GLIS3: variants seen among roughly 807,000 people sequenced by gnomAD.
The protein encoded by GLIS3 is zinc finger protein GLIS3.
In GLIS3, 53 loss-of-function variants were observed where a neutral mutation model predicts 78.6. That is an observed-to-expected ratio of 0.67 (90% CI 0.54 to 0.85). The LOEUF is 0.85. Among genes scored for constraint, GLIS3 ranks in the 40% least tolerant of loss-of-function variants. The pLI, the probability that GLIS3 is intolerant of heterozygous loss-of-function variation, is 0.00. For synonymous variants in GLIS3, 684 were observed against 509.9 expected (o/e 1.34, Z -4.60); for missense variants, 1,703 against 1,231.1 (o/e 1.38, Z -5.74).
chr9:4,229,581 A>G (rs1220931842), intron 2 of GLIS3, among the ~76,000 whole-genome samples: 1 of 152,190 alleles, frequency 6.6e-6, no homozygotes, highest in Non-Finnish European at 1.5e-5. Flanking sequence ...TGAAGCACGG[A>G]TATTTTCTGG....
At chr9:4,259,694 G>C (rs1825327752) in intron 2 of GLIS3, among the ~76,000 whole-genome samples, 1 of 152,174 alleles carries the variant, frequency 6.6e-6, no homozygotes, top group Non-Finnish European at 1.5e-5. Context: ...TAGCGAAGGA[G>C]GCAGGACCTG....
chr9:4,123,286 G>T (rs1240028744), intron 3 of GLIS3, among the ~76,000 whole-genome samples: 1 of 152,262 alleles, frequency 6.6e-6, no homozygotes, highest in South Asian at 2.1e-4. Context: ...AATGAATGGT[G>T]TATTAGAAAA....
chr9:4,247,207 C>G (rs1202614015), intron 2 of GLIS3, among the ~76,000 whole-genome samples: 1 of 152,176 alleles, frequency 6.6e-6, no homozygotes, highest in Admixed American at 6.5e-5. Flanking sequence ...TACTTGAATT[C>G]TCTTAATAGC....
At chr9:3,953,927 CAA>C (rs1448706994) in intron 4 of GLIS3, among the ~76,000 whole-genome samples, 3 of 151,908 alleles carry the variant, frequency 2.0e-5, no homozygotes, top group Non-Finnish European at 4.4e-5. Flanking sequence ...TGTAGTACAC[CAA>C]TCAACATATC....
intron 4 of GLIS3, among the ~76,000 whole-genome samples, chr9:3,969,348 C>T (rs1051701644): frequency 9.9e-5 from 15 of 152,200 alleles, no homozygotes; most frequent in African/African-American, 3.4e-4. Flanking sequence ...GCGAGCAAAC[C>T]TTGTGCTATA....
chr9:4,050,338 A>G (rs904105159), intron 4 of GLIS3, among the ~76,000 whole-genome samples: 25 of 152,294 alleles, frequency 1.6e-4, no homozygotes, highest in African/African-American at 5.8e-4. Flanking sequence ...TCAGTAAACT[A>G]TCGCAAGGAC....
chr9:4,182,768 T>C (rs1291647206), intron 2 of GLIS3, among the ~76,000 whole-genome samples: 1 of 152,180 alleles, frequency 6.6e-6, no homozygotes, highest in Non-Finnish European at 1.5e-5. Context: ...GAAAACGCAA[T>C]AGTAATGATG....
At chr9:4,119,013 C>G in intron 3 of GLIS3, 132 bp from the exon 4 acceptor site, 1 of 958,082 alleles carries the variant, frequency 1.0e-6, no homozygotes, top group South Asian at 1.5e-5. Context: ...CTGTGCTAAA[C>G]ACACATTCTT....
chr9:3,840,250 T>G (rs571349336), intron 9 of GLIS3, among the ~76,000 whole-genome samples: 7 of 152,186 alleles, frequency 4.6e-5, no homozygotes, highest in Non-Finnish European at 8.8e-5. Flanking sequence ...TAAGTAATTT[T>G]TATTACACAA....
rs570440275 is a variant in GLIS3 at position 4,059,190 on chromosome 9, G to C, written c.1710+58578C>G. 2.0e-5 allele frequency among the ~76,000 whole-genome samples: 3 copies of C among 152,268 alleles called. No individual in the cohort carries two copies. The East Asian group carries it at 5.8e-4, about 29-fold the overall frequency. On this transcript the variant is annotated intron_variant, in intron 4 of 10. Transcript: ENST00000381971. ...GACCTTTTGGCAAGTCTTGAGATCT[G>C]AGCACAGACGAGATTTCAGACATTT...
At chr9:4,170,749 T>C (rs1416115873) in intron 2 of GLIS3, among the ~76,000 whole-genome samples, 3 of 152,086 alleles carry the variant, frequency 2.0e-5, no homozygotes, top group Admixed American at 6.5e-5. Flanking sequence ...TTCCTGTATG[T>C]TCAGGGTGTG....
At chr9:4,057,187 G>C (rs1169689625) in intron 4 of GLIS3, among the ~76,000 whole-genome samples, 1 of 152,078 alleles carries the variant, frequency 6.6e-6, no homozygotes, top group Non-Finnish European at 1.5e-5. Context: ...GGCTTCATGG[G>C]CATCAAAGGC....
exon 1 of GLIS3, chr9:4,348,284 A>G (rs1817920941): frequency 6.6e-6 from 1 of 152,204 alleles, no homozygotes; most frequent in African/African-American, 2.4e-5. Flanking sequence ...TCTTCACAAT[A>G]TCATCGAGGA....
chr9:4,193,439 G>A (rs1818511942), intron 2 of GLIS3, among the ~76,000 whole-genome samples: 6 of 152,204 alleles, frequency 3.9e-5, no homozygotes, highest in Admixed American at 3.9e-4. Context: ...TATCTGGCCT[G>A]TTACAGAAAA....
At chr9:4,020,979 C>G (rs1030863528) in intron 4 of GLIS3, among the ~76,000 whole-genome samples, 2 of 152,144 alleles carry the variant, frequency 1.3e-5, no homozygotes, top group Non-Finnish European at 2.9e-5. Context: ...AGTAGTCGGT[C>G]TTAGGGATTG....
intron 2 of GLIS3, among the ~76,000 whole-genome samples, chr9:4,238,182 C>A (rs1306480521): frequency 6.6e-6 from 1 of 152,164 alleles, no homozygotes; most frequent in South Asian, 2.1e-4. Context: ...TGCCCCCTCC[C>A]GCTGCGCAAA....
At chr9:4,304,407 A>G (rs551691913), upstream of GLIS3, among the ~76,000 whole-genome samples, 2 of 152,328 alleles carry the variant, frequency 1.3e-5, no homozygotes. Flanking sequence ...TTCTTGAGGA[A>G]GAAAATTCAA....
At chr9:3,918,013 C>T (rs1363988888) in intron 6 of GLIS3, among the ~76,000 whole-genome samples, 1 of 152,178 alleles carries the variant, frequency 6.6e-6, no homozygotes, top group African/African-American at 2.4e-5. Context: ...TAAGGAACGT[C>T]TATCAAATCA....
At chr9:4,247,533 C>G (rs1563825676) in intron 2 of GLIS3, among the ~76,000 whole-genome samples, 2 of 152,136 alleles carry the variant, frequency 1.3e-5, no homozygotes, top group Admixed American at 1.3e-4. Context: ...TAAAGCCCAT[C>G]CACAGATTCC....
Sources: gnomAD v4.1 joint callset for allele counts (sites outside exome capture counted in the v4.1 genomes callset) on GRCh38, gnomAD v4.1.1 for gene constraint, MANE v1.5 for transcripts, NCBI Gene and HGNC (gene_info 2026-07-23, HGNC 2026-07-21) for gene names.